RTN1: variants seen among roughly 807,000 people sequenced by gnomAD.
RTN1 encodes the protein reticulon-1.
In RTN1, 25 loss-of-function variants were observed where a neutral mutation model predicts 65.5. The ratio of observed to expected loss-of-function variants is 0.38; its 90% CI spans 0.28 to 0.53. The LOEUF is 0.53. RTN1 is among the 20% of genes least tolerant of loss of function. The pLI, the probability that RTN1 is intolerant of heterozygous loss-of-function variation, is 0.79. For missense variants in RTN1, 983 were observed against 1,025.4 expected (o/e 0.96, Z 0.57); for synonymous variants, 471 against 447.6 (o/e 1.05, Z -0.66).
At chr14:59,670,148 T>C (rs1227081441) in intron 3 of RTN1, among the ~76,000 whole-genome samples, 1 of 152,216 alleles carries the variant, frequency 6.6e-6, no homozygotes, top group Non-Finnish European at 1.5e-5. Context: ...AATTTTGCAA[T>C]AGTGCCTAGT....
At chr14:59,607,914 AAG>A (rs535572199) in intron 3 of RTN1, among the ~76,000 whole-genome samples, 2,078 of 144,498 alleles carry the variant, frequency 0.014, 19 homozygotes, top group African/African-American at 0.021. Context: ...AAAAAAAAAA[AAG>A]AGAGAGAGAG....
intron 3 of RTN1, among the ~76,000 whole-genome samples, chr14:59,666,288 A>C (rs1478548608): frequency 6.6e-6 from 1 of 152,176 alleles, no homozygotes; most frequent in Non-Finnish European, 1.5e-5. Context: ...TAAGAAACTC[A>C]CTCAAAACCA....
intron 3 of RTN1, among the ~76,000 whole-genome samples, chr14:59,609,005 C>A (rs1478729316): frequency 6.6e-6 from 1 of 152,182 alleles, no homozygotes; most frequent in African/African-American, 2.4e-5. Flanking sequence ...CATTTCTGGG[C>A]TGGGCATGGT....
rs1458511957 is a variant in RTN1 at position 59,790,989 on chromosome 14, A to C, written c.242-44508T>G. 6.6e-6 allele frequency among the ~76,000 whole-genome samples: 1 copy of C among 151,984 alleles called. No homozygotes were observed. The highest frequency in any genetic ancestry group is 1.5e-5 in the Non-Finnish European group (1 of 67,978). On this transcript the variant is annotated intron_variant, in intron 1 of 8. Coordinates refer to ENST00000267484, the MANE Select transcript of RTN1 (RefSeq NM_021136.3). The surrounding 1 kb of genome is among the most constrained non-coding windows in gnomAD (Gnocchi z 4.1). ...GCAATATCATTTTGGCCCTCAATTC[A>C]TTTCTTTAGCTCTGGCATTTCCCTT...
rs375077612 is a variant in RTN1 at position 59,727,632 on chromosome 14, A to T, written c.1052T>A (p.Ile351Asn). 4.3e-5 allele frequency: 69 copies of T among 1,610,040 alleles called. No individual in the cohort carries two copies. Among genetic ancestry groups the T allele is most frequent in the Non-Finnish European group, 5.6e-5 (66 of 1,178,154 alleles). The part of the protein sequence containing the change: ...SAAESQGKGS[I>N]SEDELITAIK... Reference sequence around the variant, plus strand: ...GGCGGTGATCAGCTCATCCTCGGAGATGCTGCCTTTCCCCTGGGATTCTGC... The same window carrying T: ...GGCGGTGATCAGCTCATCCTCGGAGTTGCTGCCTTTCCCCTGGGATTCTGC... The change falls in exon 3 of 9, where the codon ATC (isoleucine) becomes AAC (asparagine). Residue 351 changes from isoleucine (I) to asparagine (N), a missense_variant. Physicochemically the swap from Ile to Asn is moderately radical, Grantham distance 149. Transcript: ENST00000267484. The surrounding 1 kb of genome is among the most constrained non-coding windows in gnomAD (Gnocchi z 4.2).
chr14:59,672,134 A>C (rs946208329), intron 3 of RTN1, among the ~76,000 whole-genome samples: 4 of 152,098 alleles, frequency 2.6e-5, no homozygotes, highest in Non-Finnish European at 5.9e-5. Flanking sequence ...TGGCTTTGCT[A>C]CTTATCAGCC....
intron 3 of RTN1, among the ~76,000 whole-genome samples, chr14:59,673,031 G>T (rs1344192539): frequency 6.6e-6 from 1 of 152,182 alleles, no homozygotes; most frequent in African/African-American, 2.4e-5. Flanking sequence ...TTGGTTTCCT[G>T]TTTCTCTCTT....
intron 3 of RTN1, among the ~76,000 whole-genome samples, chr14:59,662,177 A>G (rs1263386596): frequency 6.9e-6 from 1 of 145,284 alleles, no homozygotes; most frequent in African/African-American, 2.5e-5. Flanking sequence ...TTTTTTTATT[A>G]TACTTTAAGT....
At chr14:59,621,396 T>C (rs1882251163) in intron 3 of RTN1, among the ~76,000 whole-genome samples, 2 of 152,204 alleles carry the variant, frequency 1.3e-5, no homozygotes, top group Non-Finnish European at 2.9e-5. Context: ...AAATTAAAGC[T>C]ACTTTGCTAA....
At chr14:59,656,888 A>C (rs1883132645) in intron 3 of RTN1, among the ~76,000 whole-genome samples, 1 of 152,178 alleles carries the variant, frequency 6.6e-6, no homozygotes, top group African/African-American at 2.4e-5. Context: ...TGCTCCTTGC[A>C]CATCTCTGCA....
rs749543556 is a variant in RTN1, at chr14:59,774,223, A to T, written c.242-27742T>A. Among the ~76,000 whole-genome samples, 3 of 152,178 alleles carry T rather than the reference A, an allele frequency of 2.0e-5. No homozygotes were observed. The highest frequency in any genetic ancestry group is 2.0e-4 in the Admixed American group (3 of 15,268). On this transcript the variant is annotated intron_variant, in intron 1 of 8. Transcript: ENST00000267484. The surrounding 1 kb of genome is among the most constrained non-coding windows in gnomAD (Gnocchi z 5.1). ...AGCTCTTTATTTTTCTATGGCAAAG[A>T]ATGTGAATCTCTTACTAAACTGACT...
At chr14:59,844,265 G>A (rs899586971) in intron 1 of RTN1, among the ~76,000 whole-genome samples, 3 of 152,202 alleles carry the variant, frequency 2.0e-5, no homozygotes, top group Admixed American at 6.5e-5. Flanking sequence ...ACCTTAAAGA[G>A]GTGATTGCCC....
intron 8 of RTN1, among the ~76,000 whole-genome samples, chr14:59,601,616 G>T (rs145631664): frequency 6.6e-6 from 1 of 152,124 alleles, no homozygotes; most frequent in African/African-American, 2.4e-5. Flanking sequence ...TATGATTTGT[G>T]ATACTCAAAC....
chr14:59,759,514 C>T (rs188270692), intron 1 of RTN1, among the ~76,000 whole-genome samples: 127 of 152,250 alleles, frequency 8.3e-4, no homozygotes, highest in South Asian at 4.6e-3. Flanking sequence ...ATTAAGGGCT[C>T]ATTATTATTT....
At chr14:59,842,277 T>A (rs1444722564) in intron 1 of RTN1, among the ~76,000 whole-genome samples, 3 of 151,906 alleles carry the variant, frequency 2.0e-5, no homozygotes, top group Admixed American at 6.6e-5. Context: ...ATAAAAAAAC[T>A]AGAATTATTT....
At chr14:59,830,436 G>T (rs192618659) in intron 1 of RTN1, among the ~76,000 whole-genome samples, 1 of 152,164 alleles carries the variant, frequency 6.6e-6, no homozygotes, top group South Asian at 2.1e-4. Flanking sequence ...TAGCAATAGG[G>T]AAAGTGATGA....
intron 3 of RTN1, among the ~76,000 whole-genome samples, chr14:59,689,372 T>C (rs1023352374): frequency 6.6e-6 from 1 of 152,186 alleles, no homozygotes; most frequent in African/African-American, 2.4e-5. Context: ...GTCAACAATC[T>C]AGAAAACATA....
chr14:59,604,052 T>C (rs1881666894), intron 5 of RTN1, 131 bp from the exon 6 acceptor site: 1 of 578,054 alleles, frequency 1.7e-6, no homozygotes. Context: ...ATGAAAGGCG[T>C]TGAAAGCTCA....
intron 1 of RTN1, among the ~76,000 whole-genome samples, chr14:59,820,494 G>A (rs977753852): frequency 6.6e-6 from 1 of 151,684 alleles, no homozygotes; most frequent in Non-Finnish European, 1.5e-5. Flanking sequence ...GCCCAGAAGG[G>A]TATTTTCTTG....
Sources: allele counts gnomAD v4.1 joint callset (sites outside exome capture counted in the v4.1 genomes callset), GRCh38; gene constraint gnomAD v4.1.1; non-coding constraint Gnocchi (gnomAD v3.1); transcripts MANE v1.5; gene names NCBI Gene and HGNC (gene_info 2026-07-23, HGNC 2026-07-21).